The following BRINP2 variants were observed in gnomAD, a reference collection of about 807,000 sequenced individuals.
BRINP2 encodes BMP/retinoic acid inducible neural specific 2.
Under a neutral mutation model 69.2 loss-of-function variants are expected in BRINP2, and 21 were observed. That is an observed-to-expected ratio of 0.30 (90% CI 0.22 to 0.44). The LOEUF is 0.44. Among genes scored for constraint, BRINP2 ranks in the 20% least tolerant of loss-of-function variants. The probability of loss-of-function intolerance (pLI) is 1.00; values close to 1 mark genes in which losing one functional copy is unlikely to be tolerated. For missense variants in BRINP2, 877 were observed against 986.0 expected (o/e 0.89, Z 1.48); for synonymous variants, 380 against 394.1 (o/e 0.96, Z 0.42).
rs1651496371 is a variant in BRINP2, at chr1:177,276,385, G to A, written c.963G>A (p.Leu321=). Residue 321 remains leucine (L), a synonymous_variant, in exon 6 of 8, where the codon CTG becomes CTA. Transcript: ENST00000361539. The part of the protein sequence containing the change: ...ADIQAMEDSL[L]QIQDSWATHN... Reference sequence around the variant, plus strand: ...TCCAGGCCATGGAGGACAGCCTGCTGCAGATCCAGGACTCCTGGGCCACTC... The same window carrying A: ...TCCAGGCCATGGAGGACAGCCTGCTACAGATCCAGGACTCCTGGGCCACTC... 1 of 1,614,098 alleles carries A rather than the reference G, an allele frequency of 6.2e-7. No individual in the cohort carries two copies. Among genetic ancestry groups the A allele is most frequent in the Non-Finnish European group, 8.5e-7 (1 of 1,180,048 alleles).
chr1:177,222,884 G>A (rs1192890577), intron 1 of BRINP2, among the ~76,000 whole-genome samples: 2 of 152,110 alleles, frequency 1.3e-5, no homozygotes, highest in Non-Finnish European at 2.9e-5. Flanking sequence ...TGGTTCTCAG[G>A]GCCGCAAGGA....
At chr1:177,205,241 A>G (rs1351672984) in intron 1 of BRINP2, among the ~76,000 whole-genome samples, 1 of 152,078 alleles carries the variant, frequency 6.6e-6, no homozygotes, top group Non-Finnish European at 1.5e-5. Context: ...CCTGGGTTCA[A>G]GCAATTCTAC....
intron 1 of BRINP2, among the ~76,000 whole-genome samples, chr1:177,182,959 C>CTTTTTTTTTCTTT (rs1648304948): frequency 1.3e-5 from 2 of 150,480 alleles, no homozygotes; most frequent in East Asian, 3.9e-4. Context: ...TGTTGTTTTT[C>CTTTTTTTTTCTTT]TTTTTTTTTC....
intron 2 of BRINP2, among the ~76,000 whole-genome samples, chr1:177,233,342 T>TATTTGTTTA (rs1649920038): frequency 6.6e-6 from 1 of 152,236 alleles, no homozygotes; most frequent in Non-Finnish European, 1.5e-5. Context: ...TTCTTGTTCC[T>TATTTGTTTA]CAATTTTCCT....
intron 1 of BRINP2, among the ~76,000 whole-genome samples, chr1:177,205,748 G>A (rs532899555): frequency 6.6e-5 from 10 of 152,326 alleles, no homozygotes; most frequent in Admixed American, 1.3e-4. Flanking sequence ...TGTGAGCTCT[G>A]TGCTTCTCTC....
chr1:177,182,935 T>TTTG (rs773100272), intron 1 of BRINP2, among the ~76,000 whole-genome samples: 27 of 152,138 alleles, frequency 1.8e-4, no homozygotes, highest in East Asian at 5.8e-4. Flanking sequence ...ACTTAGGGGT[T>TTTG]TTGTTGTTGT....
rs1216101209 is a variant in BRINP2 at position 177,171,517 on chromosome 1, GAA to G, written c.-289_-288del. ...AGTAAAGCGGGGAGCAAGAGAATTT[GAA>G]AAGAGACATCCGCTCCCTCTCACAC... On this transcript the variant is annotated 5_prime_UTR_variant, in exon 1 of 8. Transcript: ENST00000361539. 6.4e-6 allele frequency: 1 copy of G among 156,224 alleles called. No homozygotes were observed. The highest frequency in any genetic ancestry group is 1.4e-5 in the Non-Finnish European group (1 of 70,630). 9.7% of individuals were successfully genotyped at this position (156,224 alleles called of 1,614,324 possible).
chr1:177,213,298 T>C (rs983727708), intron 1 of BRINP2, among the ~76,000 whole-genome samples: 3 of 152,176 alleles, frequency 2.0e-5, no homozygotes, highest in Non-Finnish European at 4.4e-5. Context: ...CTGTGCATTA[T>C]AGGCTATTGA....
At chr1:177,239,233 T>C (rs533865497) in intron 2 of BRINP2, among the ~76,000 whole-genome samples, 1 of 152,308 alleles carries the variant, frequency 6.6e-6, no homozygotes, top group East Asian at 1.9e-4. Context: ...TCGTTCTCTC[T>C]TTCCACAAGA....
intron 1 of BRINP2, among the ~76,000 whole-genome samples, chr1:177,197,126 A>T (rs1648769789): frequency 6.6e-6 from 1 of 152,220 alleles, no homozygotes; most frequent in Non-Finnish European, 1.5e-5. Context: ...AGTTTAAAAA[A>T]AATTGGCTCA....
chr1:177,214,272 A>C (rs1649311007), intron 1 of BRINP2, among the ~76,000 whole-genome samples: 1 of 152,130 alleles, frequency 6.6e-6, no homozygotes, highest in African/African-American at 2.4e-5. Flanking sequence ...ATCTCTGCTA[A>C]AAATACAAAA....
chr1:177,232,028 A>G (rs1348985119), intron 2 of BRINP2, among the ~76,000 whole-genome samples: 1 of 152,224 alleles, frequency 6.6e-6, no homozygotes, highest in African/African-American at 2.4e-5. Context: ...TTAAGCAGAG[A>G]ATCCCTCCAG....
chr1:177,272,762 G>A (rs114419973), intron 4 of BRINP2, among the ~76,000 whole-genome samples: 95 of 152,312 alleles, frequency 6.2e-4, no homozygotes, highest in South Asian at 1.4e-3. Context: ...AGAAAGGGCC[G>A]CAGGTCCCCA....
At chr1:177,246,402 T>G (rs994191067) in intron 2 of BRINP2, among the ~76,000 whole-genome samples, 1 of 152,228 alleles carries the variant, frequency 6.6e-6, no homozygotes, top group Admixed American at 6.5e-5. Flanking sequence ...TCTCCTCATG[T>G]GTTAACATGT....
intron 5 of BRINP2, among the ~76,000 whole-genome samples, chr1:177,274,628 T>C (rs1651438365): frequency 6.6e-6 from 1 of 152,234 alleles, no homozygotes; most frequent in Non-Finnish European, 1.5e-5. Context: ...TGGAATAGTT[T>C]ATGCTATTTA....
Position 177,230,152 on chromosome 1 carries a change from G to T in BRINP2, c.269+7G>T. 1.9e-6 allele frequency: 3 copies of T among 1,589,216 alleles called. No individual in the cohort carries two copies. The highest frequency in any genetic ancestry group is 2.6e-6 in the Non-Finnish European group (3 of 1,164,234). On this transcript the variant is annotated splice_region_variant and intron_variant, in intron 2 of 7. Transcript: ENST00000361539. ...CCAGGTACAGGATTTATAGGTAAGT[G>T]GGGGCCTCCACTGAGACAGGGGCTT...
At chr1:177,271,224 G>C (rs149800483) in intron 4 of BRINP2, among the ~76,000 whole-genome samples, 1 of 152,286 alleles carries the variant, frequency 6.6e-6, no homozygotes, top group Admixed American at 6.5e-5. Flanking sequence ...TGTATGACCT[G>C]GAATAAGTCA....
At position 177,189,985 on chromosome 1, in the gene BRINP2, C is replaced by T. The variant is rs184962027; in HGVS notation, c.-77+18253C>T. Among the ~76,000 whole-genome samples, 12 of 152,300 alleles carry T rather than the reference C, an allele frequency of 7.9e-5. No homozygotes were observed. In the East Asian group the frequency reaches 2.3e-3, roughly 29 times the overall value. On this transcript the variant is annotated intron_variant, in intron 1 of 7. Coordinates refer to ENST00000361539, the MANE Select transcript of BRINP2 (RefSeq NM_021165.4). ...TGGAGCTTGGTAACAGGTGGTGAAT[C>T]TGTAAGTTTCAACTGAACGGAAATT...
intron 1 of BRINP2, among the ~76,000 whole-genome samples, chr1:177,215,711 A>G (rs533365887): frequency 9.9e-5 from 15 of 152,196 alleles, no homozygotes; most frequent in African/African-American, 3.4e-4. Context: ...TTGGTGTAAT[A>G]AGGAATTCCA....
Sources: allele counts gnomAD v4.1 joint callset (sites outside exome capture counted in the v4.1 genomes callset), GRCh38; gene constraint gnomAD v4.1.1; transcripts MANE v1.5; gene names NCBI Gene and HGNC (gene_info 2026-07-23, HGNC 2026-07-21).